CFAP61: variants seen among roughly 807,000 people sequenced by gnomAD.
The protein encoded by CFAP61 is cilia and flagella associated protein 61, also known as cilia- and flagella-associated protein 61.
CFAP61 carries 107 observed loss-of-function variants against 135.6 expected under a neutral mutation model. That is an observed-to-expected ratio of 0.79 (90% confidence interval 0.67 to 0.93). CFAP61 has a LOEUF of 0.93. Ranked by LOEUF, CFAP61 falls within the 40% of genes least tolerant of loss-of-function variation. The pLI is 0.00. For synonymous variants in CFAP61, 575 were observed against 578.5 expected (o/e 0.99, Z 0.09); for missense variants, 1,507 against 1,556.2 (o/e 0.97, Z 0.53).
intron 9 of CFAP61, among the ~76,000 whole-genome samples, chr20:20,150,484 C>T (rs6112788): frequency 0.13 from 19,448 of 152,212 alleles, 1,416 homozygotes; most frequent in Non-Finnish European, 0.15. Context: ...CAGAACAACC[C>T]TGCTCCAAGA....
chr20:20,334,065 C>G (rs1375407607), intron 25 of CFAP61, among the ~76,000 whole-genome samples: 2 of 152,200 alleles, frequency 1.3e-5, no homozygotes. Flanking sequence ...TGCCTCCCAG[C>G]ACCAGTGCTG....
At chr20:20,308,048 CG>C (rs1276366929) in intron 25 of CFAP61, among the ~76,000 whole-genome samples, 3 of 152,144 alleles carry the variant, frequency 2.0e-5, no homozygotes, top group Non-Finnish European at 4.4e-5. Context: ...CATGCATTGT[CG>C]ATAATCACTA....
At chr20:20,180,286 G>A (rs2054957980) in intron 13 of CFAP61, among the ~76,000 whole-genome samples, 1 of 151,244 alleles carries the variant, frequency 6.6e-6, no homozygotes, top group African/African-American at 2.4e-5. Flanking sequence ...CCGAGATCAC[G>A]CCACTGCACT....
At chr20:20,062,432 G>T (rs1223394369) in intron 2 of CFAP61, among the ~76,000 whole-genome samples, 3 of 152,096 alleles carry the variant, frequency 2.0e-5, no homozygotes, top group Non-Finnish European at 4.4e-5. Flanking sequence ...GAGAAGAAAG[G>T]CCTGAAATAA....
intron 8 of CFAP61, among the ~76,000 whole-genome samples, chr20:20,118,488 CT>C (rs1011294330): frequency 6.6e-6 from 1 of 151,646 alleles, no homozygotes; most frequent in African/African-American, 2.4e-5. Flanking sequence ...TTACAGGTGC[CT>C]GCCACCACTC....
At chr20:20,080,086 C>T (rs758543063) in intron 6 of CFAP61, among the ~76,000 whole-genome samples, 3 of 151,782 alleles carry the variant, frequency 2.0e-5, no homozygotes, top group Non-Finnish European at 4.4e-5. Flanking sequence ...TTTTTTATGC[C>T]ATTTACTAAT....
intron 9 of CFAP61, among the ~76,000 whole-genome samples, chr20:20,145,066 A>G (rs1039468083): frequency 6.6e-6 from 1 of 152,160 alleles, no homozygotes; most frequent in South Asian, 2.1e-4. Context: ...ATGGTATCAG[A>G]TGGAAATTTG....
chr20:20,252,485 A>G (rs1404976482), intron 20 of CFAP61, among the ~76,000 whole-genome samples: 1 of 152,254 alleles, frequency 6.6e-6, no homozygotes, highest in Non-Finnish European at 1.5e-5. Flanking sequence ...CCATGGGCCC[A>G]AGGTGGCTTT....
intron 17 of CFAP61, among the ~76,000 whole-genome samples, chr20:20,209,539 A>G (rs2047481507): frequency 6.6e-6 from 1 of 152,220 alleles, no homozygotes; most frequent in Non-Finnish European, 1.5e-5. Context: ...TGTCAGATAC[A>G]GATTTTTAAG....
intron 17 of CFAP61, among the ~76,000 whole-genome samples, chr20:20,215,715 CT>C (rs1368678137): frequency 2.6e-5 from 4 of 152,060 alleles, no homozygotes; most frequent in African/African-American, 4.8e-5. Context: ...ACCATGATTT[CT>C]TTTTCAAGAA....
At chr20:20,332,753 T>C (rs1425127274) in intron 25 of CFAP61, among the ~76,000 whole-genome samples, 1 of 152,186 alleles carries the variant, frequency 6.6e-6, no homozygotes, top group Non-Finnish European at 1.5e-5. Flanking sequence ...TAGCTAGGAC[T>C]ACAGGCACGC....
In CFAP61 at chr20:20,164,149, C is replaced by T. The variant is rs767359018; in HGVS notation, c.1126C>T (p.His376Tyr). 1.4e-5 allele frequency: 22 copies of T among 1,614,026 alleles called. No homozygotes were observed. The highest frequency in any genetic ancestry group is 1.4e-5 in the Non-Finnish European group (17 of 1,180,002). Residue 376 changes from histidine to tyrosine, a missense_variant, in exon 11 of 27, where the codon CAC (histidine) becomes TAC (tyrosine). Coordinates refer to ENST00000245957, the MANE Select transcript of CFAP61 (RefSeq NM_015585.4). ...ASLVLPEEPV[H>Y]FRPIYRGASA... ...GCTCGTACTGCCTGAAGAGCCCGTC[C>T]ACTTCCGCCCCATCTACAGGGGAGC... is the stretch of plus-strand genomic sequence containing the variant.
chr20:20,254,972 C>G (rs1302838518), intron 20 of CFAP61, among the ~76,000 whole-genome samples: 2 of 152,246 alleles, frequency 1.3e-5, no homozygotes, highest in African/African-American at 2.4e-5. Flanking sequence ...CCTCCCAGCT[C>G]TCTTTCCAGA....
At chr20:20,331,308 G>C (rs2057983069) in intron 25 of CFAP61, among the ~76,000 whole-genome samples, 1 of 151,700 alleles carries the variant, frequency 6.6e-6, no homozygotes, top group Non-Finnish European at 1.5e-5. Flanking sequence ...TATGAACTAG[G>C]AATATGTTAG....
intron 21 of CFAP61, among the ~76,000 whole-genome samples, chr20:20,270,680 CTT>C (rs74180986): frequency 0.21 from 29,999 of 145,828 alleles, 4,477 homozygotes; most frequent in African/African-American, 0.42. Context: ...GTGCATTATT[CTT>C]TTTTTTTTTT....
chr20:20,218,071 T>G (rs767363533), intron 17 of CFAP61, among the ~76,000 whole-genome samples: 2 of 152,198 alleles, frequency 1.3e-5, no homozygotes, highest in Non-Finnish European at 2.9e-5. Flanking sequence ...CTGCCTTATG[T>G]GACTTTTCCT....
intron 8 of CFAP61, among the ~76,000 whole-genome samples, chr20:20,128,562 G>A (rs2050255598): frequency 6.6e-6 from 1 of 151,776 alleles, no homozygotes; most frequent in East Asian, 1.9e-4. Flanking sequence ...GCAGGAGGCA[G>A]TCTGCTTCCT....
chr20:20,126,558 C>G (rs2050079188), intron 8 of CFAP61, among the ~76,000 whole-genome samples: 1 of 151,864 alleles, frequency 6.6e-6, no homozygotes, highest in Non-Finnish European at 1.5e-5. Context: ...TCCCTTCTAG[C>G]TTATAGGGTT....
At chr20:20,171,947 A>T in intron 13 of CFAP61, 4 of 487,778 alleles carry the variant, frequency 8.2e-6, no homozygotes, top group Non-Finnish European at 1.5e-5. Context: ...GTGGAATGAG[A>T]AATGGAAGAG....
Sources: allele counts gnomAD v4.1 joint callset (sites outside exome capture counted in the v4.1 genomes callset), GRCh38; gene constraint gnomAD v4.1.1; transcripts MANE v1.5; gene names NCBI Gene and HGNC (gene_info 2026-07-23, HGNC 2026-07-21).